BACH2: variants seen among roughly 807,000 people sequenced by gnomAD.
The protein encoded by BACH2 is transcription regulator protein BACH2.
A neutral mutation model predicts 61.8 loss-of-function variants in BACH2; 5 were observed. The observed-to-expected ratio is 0.08, with a 90% confidence interval of 0.04 to 0.17. The LOEUF (loss-of-function observed/expected upper bound fraction) is 0.17. BACH2 is among the 10% of genes least tolerant of loss of function. BACH2 has a pLI of 1.00. For synonymous variants in BACH2, 446 were observed against 440.1 expected, an observed-to-expected ratio of 1.01 and a Z score of -0.17; for missense variants, 824 against 1,091.1, an observed-to-expected ratio of 0.76 and a Z score of 3.45.
chr6:90,228,275 G>T (rs941489444), intron 3 of BACH2, among the ~76,000 whole-genome samples: 1 of 152,018 alleles, frequency 6.6e-6, no homozygotes, highest in African/African-American at 2.4e-5. Flanking sequence ...TCTGTAAGAC[G>T]CTATCAGCCG....
rs1777530549 is a variant in BACH2 at position 90,008,462 on chromosome 6, G to GC, written c.243+139dup. ...AGTGTATCAAATAGAAACTGACTAT[G>GC]CCACAGACCTAACATGTGACTTGGA... On this transcript the variant is annotated intron_variant, in intron 6 of 8. Transcript: ENST00000257749. This position sits in a 1 kb window ranked among gnomAD's most constrained non-coding sequence, Gnocchi z 4.1. 9.9e-7 allele frequency: 1 copy of GC among 1,009,176 alleles called. No homozygotes were observed. Among genetic ancestry groups the GC allele is most frequent in the Admixed American group, 2.3e-5 (1 of 42,592 alleles). 62.5% of individuals were successfully genotyped at this position (1,009,176 alleles called of 1,614,324 possible).
chr6:90,100,728 GAC>G (rs367693277), intron 4 of BACH2, among the ~76,000 whole-genome samples: 12 of 142,300 alleles, frequency 8.4e-5, no homozygotes, highest in East Asian at 4.3e-4. Flanking sequence ...CACACACACA[GAC>G]ACACACACAC....
intron 6 of BACH2, among the ~76,000 whole-genome samples, chr6:89,970,911 G>A (rs753359663): frequency 2.8e-4 from 43 of 152,202 alleles, no homozygotes; most frequent in Non-Finnish European, 5.4e-4. Flanking sequence ...AGAAGCAAAT[G>A]CCTCAAAAAA....
At chr6:89,970,014 C>T (rs955161465) in intron 6 of BACH2, among the ~76,000 whole-genome samples, 6 of 152,084 alleles carry the variant, frequency 3.9e-5, no homozygotes, top group Non-Finnish European at 5.9e-5. Flanking sequence ...CTCTTCTACA[C>T]TAAAGTAGGA....
At chr6:89,996,237 G>A (rs1464781493) in intron 6 of BACH2, among the ~76,000 whole-genome samples, 2 of 152,040 alleles carry the variant, frequency 1.3e-5, no homozygotes, top group African/African-American at 4.8e-5. Flanking sequence ...TCTCTGAAAG[G>A]CCCCCTCATT....
At chr6:89,990,998 A>C (rs941937098) in intron 6 of BACH2, among the ~76,000 whole-genome samples, 2 of 152,222 alleles carry the variant, frequency 1.3e-5, no homozygotes, top group Non-Finnish European at 2.9e-5. Flanking sequence ...TGGCCATCCC[A>C]TCTAACGTTG....
At chr6:90,129,518 T>C (rs539412443) in intron 4 of BACH2, among the ~76,000 whole-genome samples, 2 of 152,212 alleles carry the variant, frequency 1.3e-5, no homozygotes, top group Admixed American at 1.3e-4. Flanking sequence ...TCTTTTTTTT[T>C]ATTATTATAC....
intron 3 of BACH2, among the ~76,000 whole-genome samples, chr6:90,240,672 C>T (rs16882569): frequency 0.016 from 2,379 of 152,170 alleles, 40 homozygotes; most frequent in East Asian, 0.07. Flanking sequence ...TGATGACCCA[C>T]GTAAAATCAA....
At position 90,074,409 on chromosome 6, in the gene BACH2, C is replaced by T. The variant is rs115784516; in HGVS notation, c.-13+14552G>A. 2.4e-3 allele frequency among the ~76,000 whole-genome samples: 368 copies of T among 152,232 alleles called. 1 individual carries two copies. Among genetic ancestry groups the T allele is most frequent in the African/African-American group, 7.8e-3 (326 of 41,536 alleles). On this transcript the variant is annotated intron_variant, in intron 5 of 8. Transcript: ENST00000257749. Reference sequence around the variant, plus strand: ...AACAAAAGTCTCTTTTACTGAAGCGCTGGGAACTCAGGGACGATGGCAGTG... The same window carrying T: ...AACAAAAGTCTCTTTTACTGAAGCGTTGGGAACTCAGGGACGATGGCAGTG...
intron 4 of BACH2, among the ~76,000 whole-genome samples, chr6:90,110,127 T>C (rs377083111): frequency 6.6e-6 from 1 of 152,198 alleles, no homozygotes; most frequent in African/African-American, 2.4e-5. Flanking sequence ...CTTCAATATG[T>C]TGCTCTATGG....
chr6:90,081,827 A>C (rs1781735849), intron 5 of BACH2, among the ~76,000 whole-genome samples: 2 of 152,180 alleles, frequency 1.3e-5, no homozygotes, highest in Non-Finnish European at 2.9e-5. Context: ...ACAATTCCTT[A>C]AATTTTACCT....
At chr6:89,961,582 C>T (rs1465229330) in intron 6 of BACH2, among the ~76,000 whole-genome samples, 1 of 152,152 alleles carries the variant, frequency 6.6e-6, no homozygotes, top group African/African-American at 2.4e-5. Flanking sequence ...AACTATGAAC[C>T]ACTTGATCTT....
At chr6:90,110,834 A>T (rs1431860454) in intron 4 of BACH2, among the ~76,000 whole-genome samples, 1 of 152,224 alleles carries the variant, frequency 6.6e-6, no homozygotes, top group Admixed American at 6.5e-5. Context: ...TTTTTCCTGG[A>T]GATAACCAGT....
At chr6:90,194,511 T>C (rs1215223959) in intron 4 of BACH2, among the ~76,000 whole-genome samples, 4 of 152,176 alleles carry the variant, frequency 2.6e-5, no homozygotes, top group Non-Finnish European at 2.9e-5. Context: ...TCAAAACACA[T>C]GTGAGATGTG....
At chr6:90,202,009 T>G (rs1327778420) in intron 4 of BACH2, among the ~76,000 whole-genome samples, 1 of 152,212 alleles carries the variant, frequency 6.6e-6, no homozygotes, top group Admixed American at 6.5e-5. Flanking sequence ...ATGAAAAAAG[T>G]GTTCATATTA....
intron 1 of BACH2, among the ~76,000 whole-genome samples, chr6:90,283,510 G>A (rs549680355): frequency 6.6e-6 from 1 of 151,836 alleles, no homozygotes; most frequent in Non-Finnish European, 1.5e-5. Context: ...CGAGCAGCTG[G>A]GACTACAGGT....
At position 90,027,312 on chromosome 6, in the gene BACH2, G is replaced by C. The variant is rs376744961; in HGVS notation, c.-12-18456C>G. ...CTGTCCTGTCCTTGGCAGCTTCTCA[G>C]AATGACGATTATTGTGACCAAAAGG... On this transcript the variant is annotated intron_variant, in intron 5 of 8. Transcript: ENST00000257749. 4.6e-5 allele frequency among the ~76,000 whole-genome samples: 7 copies of C among 152,298 alleles called. No homozygotes were observed. The East Asian group carries it at 7.7e-4, about 17-fold the overall frequency.
chr6:90,003,371 T>C (rs1048044097), intron 6 of BACH2, among the ~76,000 whole-genome samples: 3 of 152,362 alleles, frequency 2.0e-5, no homozygotes, highest in African/African-American at 7.2e-5. Context: ...TCCAGGTCTC[T>C]CTTCAAAAGT....
intron 1 of BACH2, among the ~76,000 whole-genome samples, chr6:90,295,345 G>A (rs1772309199): frequency 6.6e-6 from 1 of 152,208 alleles, no homozygotes; most frequent in African/African-American, 2.4e-5. Flanking sequence ...AGCCAGGAGT[G>A]TGCCACCCCT....
Sources: gnomAD v4.1 joint callset for allele counts (sites outside exome capture counted in the v4.1 genomes callset) on GRCh38, gnomAD v4.1.1 for gene constraint, Gnocchi (gnomAD v3.1) non-coding constraint, MANE v1.5 for transcripts, NCBI Gene and HGNC (gene_info 2026-07-23, HGNC 2026-07-21) for gene names.